Variants in RERE observed in about 807,000 individuals in gnomAD.
The protein encoded by RERE is arginine-glutamic acid dipeptide repeats, also known as arginine-glutamic acid dipeptide repeats protein.
Under a neutral mutation model 146.1 loss-of-function variants are expected in RERE, and 40 were observed. The ratio of observed to expected loss-of-function variants is 0.27; its 90% confidence interval spans 0.21 to 0.36. RERE has a LOEUF of 0.36. Among genes scored for constraint, RERE ranks in the 10% least tolerant of loss-of-function variants. The pLI is 1.00. For synonymous variants in RERE, 1,003 were observed against 866.0 expected, an observed-to-expected ratio of 1.16 and a Z score of -2.78; for missense variants, 1,933 against 2,138.7, an observed-to-expected ratio of 0.90 and a Z score of 1.90.
intron 8 of RERE, among the ~76,000 whole-genome samples, chr1:8,500,490 A>T (rs1645117624): frequency 6.6e-6 from 1 of 152,196 alleles, no homozygotes. Context: ...GGGATTGCAG[A>T]CGGAGTCTCG....
intron 10 of RERE, among the ~76,000 whole-genome samples, chr1:8,489,836 G>A (rs1486525639): frequency 6.6e-6 from 1 of 151,884 alleles, no homozygotes; most frequent in Non-Finnish European, 1.5e-5. Flanking sequence ...GGATCACGAG[G>A]TCAGGAGATC....
chr1:8,451,401 C>T (rs577596596), intron 11 of RERE, among the ~76,000 whole-genome samples: 2 of 151,878 alleles, frequency 1.3e-5, no homozygotes, highest in Admixed American at 6.6e-5. Flanking sequence ...CACTGCACTG[C>T]GGCCTGGGTG....
chr1:8,522,619 C>T (rs1358558813), intron 7 of RERE, among the ~76,000 whole-genome samples: 1 of 152,140 alleles, frequency 6.6e-6, no homozygotes, highest in Non-Finnish European at 1.5e-5. Context: ...CACCTATAAT[C>T]CCAGCACTTT....
rs773652120 is a variant in RERE, at chr1:8,365,832, C to A, written c.1427G>T (p.Arg476Ile). The stretch of plus-strand genomic sequence containing the variant: ...CTCACAGAATTCACTGGACGGGGGT[C>A]TGGAGGGTGTGTTGACGGGTGTGGA... ...TASTPVNTPS[R>I]PPSSEFLDLS... The change falls in exon 13 of 23, where the codon AGA becomes ATA. Residue 476 changes from arginine to isoleucine, a missense_variant. Around this residue, in one of 11 missense-constraint regions of RERE, gnomAD observed 260 missense variants for 378.4 expected, o/e 0.69. Coordinates refer to ENST00000400908, the MANE Select transcript of RERE (RefSeq NM_001042681.2). The A allele has an allele frequency of 1.2e-6, 2 of 1,614,186 alleles. No homozygotes were observed. Among genetic ancestry groups the A allele is most frequent in the Non-Finnish European group, 8.5e-7 (1 of 1,180,040 alleles).
chr1:8,424,101 G>T (rs1355252658), intron 11 of RERE: 1 of 152,184 alleles, frequency 6.6e-6, no homozygotes, highest in African/African-American at 2.4e-5. Context: ...GATGGACGAA[G>T]TCGGCTGCGC....
chr1:8,590,251 G>T lies in RERE; in HGVS notation c.522+24310C>A, dbSNP rs895663777. On this transcript the variant is annotated intron_variant, in intron 4 of 22. Transcript: ENST00000400908. ...AATGACTAAGAAGGAAAAGGGGTGG[G>T]GCCTGAATAAAATGGTAAGAAAAAC... Among the ~76,000 whole-genome samples, 5 of 151,866 alleles carry T rather than the reference G, an allele frequency of 3.3e-5. No individual in the cohort carries two copies. In the South Asian group the frequency reaches 6.3e-4, roughly 19 times the overall value.
chr1:8,735,931 A>G (rs1640187095), intron 1 of RERE, among the ~76,000 whole-genome samples: 2 of 152,166 alleles, frequency 1.3e-5, no homozygotes, highest in Admixed American at 6.5e-5. Flanking sequence ...CAGTATTTAT[A>G]GCAATGCAAG....
At chr1:8,471,904 C>T (rs991977739) in intron 10 of RERE, among the ~76,000 whole-genome samples, 11 of 152,110 alleles carry the variant, frequency 7.2e-5, no homozygotes, top group Non-Finnish European at 1.0e-4. Context: ...CTCTGCCTCC[C>T]GGATTCATGT....
chr1:8,430,889 T>C (rs1644087084), intron 11 of RERE, among the ~76,000 whole-genome samples: 1 of 152,208 alleles, frequency 6.6e-6, no homozygotes, highest in Admixed American at 6.5e-5. Context: ...AGTCCAGTTC[T>C]AACAACAAAA....
In RERE at chr1:8,360,251, A is replaced by T; in HGVS notation, c.3256T>A (p.Cys1086Ser). 6.3e-7 allele frequency: 1 copy of T among 1,578,598 alleles called. No homozygotes were observed. The highest frequency in any genetic ancestry group is 1.8e-5 in the Admixed American group (1 of 56,082). Residue 1086 changes from cysteine (C) to serine (S), a missense_variant, in exon 18 of 23, where the codon TGC (cysteine) becomes AGC (serine). This residue lies in a region of RERE where 1,255 missense variants were observed against 1,153.8 expected (regional missense o/e 1.09). Coordinates refer to ENST00000400908, the MANE Select transcript of RERE (RefSeq NM_001042681.2). ...SGGSIAGGSS[C>S]PLPTVQIKEE... ...TTGATCTGGACGGTGGGGAGTGGGC[A>T]GGACGACCCCCCCGCTATGCTGCCT...
intron 1 of RERE, among the ~76,000 whole-genome samples, chr1:8,672,818 C>A (rs1638747755): frequency 6.6e-6 from 1 of 152,106 alleles, no homozygotes; most frequent in Non-Finnish European, 1.5e-5. Context: ...CAAAAAAAAA[C>A]TCAAGAATAT....
intron 1 of RERE, among the ~76,000 whole-genome samples, chr1:8,695,536 G>C (rs1453881146): frequency 2.8e-5 from 4 of 143,406 alleles, no homozygotes; most frequent in Non-Finnish European, 6.0e-5. Context: ...GATCACCTGA[G>C]GTCAGCAGTT....
chr1:8,538,409 C>A (rs1467322603), intron 7 of RERE, among the ~76,000 whole-genome samples: 1 of 152,174 alleles, frequency 6.6e-6, no homozygotes, highest in African/African-American at 2.4e-5. Flanking sequence ...CAAGGGTATG[C>A]ACCCTGGGAA....
At chr1:8,649,035 T>C (rs1193913514) in intron 2 of RERE, among the ~76,000 whole-genome samples, 1 of 150,276 alleles carries the variant, frequency 6.7e-6, no homozygotes, top group African/African-American at 2.4e-5. Context: ...ACACCAGAAA[T>C]AAAGGAATCA....
At chr1:8,564,090 T>A (rs1331764278) in intron 4 of RERE, among the ~76,000 whole-genome samples, 1 of 152,232 alleles carries the variant, frequency 6.6e-6, no homozygotes, top group Non-Finnish European at 1.5e-5. Context: ...CTGTTAGACG[T>A]GTCACCTTAG....
At chr1:8,746,217 G>GT (rs1180735254) in intron 1 of RERE, among the ~76,000 whole-genome samples, 3 of 152,206 alleles carry the variant, frequency 2.0e-5, no homozygotes, top group Non-Finnish European at 2.9e-5. Context: ...CAAAGAGATT[G>GT]TATCTATGTT....
chr1:8,501,906 C>A (rs113455644), intron 8 of RERE, among the ~76,000 whole-genome samples: 4 of 95,998 alleles, frequency 4.2e-5, no homozygotes, highest in Non-Finnish European at 4.5e-5. Flanking sequence ...AGCCCCCCGC[C>A]CGGCCAGCCG....
At chr1:8,813,224 A>ATG (rs1235690008) in intron 1 of RERE, among the ~76,000 whole-genome samples, 1 of 152,224 alleles carries the variant, frequency 6.6e-6, no homozygotes, top group Non-Finnish European at 1.5e-5. Flanking sequence ...GGATGTGTGT[A>ATG]TGTGTGTGTA....
At chr1:8,363,610 G>A (rs1641681276) in intron 15 of RERE, 1 of 167,076 alleles carries the variant, frequency 6.0e-6, no homozygotes, top group African/African-American at 2.4e-5. Context: ...AGGAAACAAA[G>A]TCTCTTTATG....
Sources: gnomAD v4.1 joint callset for allele counts (sites outside exome capture counted in the v4.1 genomes callset) on GRCh38, gnomAD v4.1.1 for gene constraint, gnomAD v4.1.1 regional missense constraint, MANE v1.5 for transcripts, NCBI Gene and HGNC (gene_info 2026-07-23, HGNC 2026-07-21) for gene names.